GRM8: variants seen among roughly 807,000 people sequenced by gnomAD.
GRM8 encodes metabotropic glutamate receptor 8.
In GRM8, 47 loss-of-function variants were observed where a neutral mutation model predicts 87.2. The ratio of observed to expected loss-of-function variants is 0.54; its 90% CI spans 0.43 to 0.69. The LOEUF (loss-of-function observed/expected upper bound fraction) is 0.69. Among genes scored for constraint, GRM8 ranks in the 30% least tolerant of loss-of-function variants. GRM8 has a pLI of 0.00. For missense variants in GRM8, 1,019 were observed against 1,139.2 expected (o/e 0.89, Z 1.52); for synonymous variants, 396 against 404.5 (o/e 0.98, Z 0.25).
chr7:126,873,172 T>C (rs1259724300), intron 6 of GRM8, among the ~76,000 whole-genome samples: 1 of 152,124 alleles, frequency 6.6e-6, no homozygotes. Flanking sequence ...ACTTTTCAAC[T>C]TAACTTGTGT....
intron 9 of GRM8, among the ~76,000 whole-genome samples, chr7:126,532,713 A>G (rs1455645017): frequency 6.7e-6 from 1 of 148,212 alleles, no homozygotes; most frequent in Admixed American, 6.9e-5. Flanking sequence ...TTTCATGGAA[A>G]ATCAGGCTTT....
At chr7:127,238,523 C>T (rs114864350) in intron 2 of GRM8, among the ~76,000 whole-genome samples, 2,819 of 152,198 alleles carry the variant, frequency 0.019, 99 homozygotes, top group African/African-American at 0.065. Flanking sequence ...AAAAGCCTCC[C>T]AGGTAGTTTT....
At chr7:126,836,585 T>A (rs1461783810) in intron 6 of GRM8, among the ~76,000 whole-genome samples, 1 of 152,154 alleles carries the variant, frequency 6.6e-6, no homozygotes, top group Admixed American at 6.6e-5. Context: ...TTCATCCTAC[T>A]TATCTAGCAC....
At chr7:126,516,184 C>T (rs938441377) in intron 9 of GRM8, among the ~76,000 whole-genome samples, 4 of 152,020 alleles carry the variant, frequency 2.6e-5, no homozygotes, top group African/African-American at 9.7e-5. Flanking sequence ...AAATACAGGA[C>T]ATCCAGTTAC....
chr7:126,446,518 T>G (rs1463509183), intron 9 of GRM8, 146 bp from the exon 10 acceptor site: 3 of 602,956 alleles, frequency 5.0e-6, no homozygotes, highest in Non-Finnish European at 8.7e-6. Context: ...TTAATTATAG[T>G]CAACCATTCC....
intron 6 of GRM8, among the ~76,000 whole-genome samples, chr7:126,846,276 C>T (rs1045610333): frequency 4.3e-4 from 65 of 152,270 alleles, no homozygotes; most frequent in African/African-American, 1.5e-3. Flanking sequence ...AAAAATGTGA[C>T]TACATAAGAT....
chr7:126,984,360 G>A (rs1811838274), intron 3 of GRM8, among the ~76,000 whole-genome samples: 1 of 152,170 alleles, frequency 6.6e-6, no homozygotes, highest in Non-Finnish European at 1.5e-5. Context: ...TGTTGCCAAA[G>A]GAGATTAACA....
At chr7:126,489,048 C>G (rs1278830793) in intron 9 of GRM8, among the ~76,000 whole-genome samples, 4 of 151,544 alleles carry the variant, frequency 2.6e-5, no homozygotes, top group African/African-American at 9.7e-5. Context: ...GACAATGCAG[C>G]CATATATAGT....
chr7:126,622,903 TTA>T (rs1449895497), intron 7 of GRM8, among the ~76,000 whole-genome samples: 1 of 152,172 alleles, frequency 6.6e-6, no homozygotes, highest in African/African-American at 2.4e-5. Flanking sequence ...AGTCTCAAAT[TTA>T]TATGTCTAGC....
intron 3 of GRM8, among the ~76,000 whole-genome samples, chr7:127,028,417 C>A (rs190977308): frequency 1.2e-4 from 19 of 152,260 alleles, no homozygotes; most frequent in Non-Finnish European, 2.1e-4. Flanking sequence ...GGTACCAGCT[C>A]TTCTTTGTAC....
intron 6 of GRM8, among the ~76,000 whole-genome samples, chr7:126,893,392 G>C (rs1445801682): frequency 6.6e-6 from 1 of 151,964 alleles, no homozygotes; most frequent in Non-Finnish European, 1.5e-5. Context: ...TATCAGAATA[G>C]TACATTTTCT....
rs542718643 is a variant in GRM8 at position 127,170,856 on chromosome 7, G to A, written c.511-64144C>T. 3.9e-5 allele frequency among the ~76,000 whole-genome samples: 6 copies of A among 152,238 alleles called. No homozygotes were observed. The East Asian group carries it at 1.2e-3, about 29-fold the overall frequency. ...GGACTCAGGGGAAAGGGTGGGAGAA[G>A]GGTGAGGGATAAAAACCACCCACTG... On this transcript the variant is annotated intron_variant, in intron 2 of 10. Transcript: ENST00000339582.
At chr7:126,967,850 T>C (rs1586623200) in intron 3 of GRM8, among the ~76,000 whole-genome samples, 1 of 152,302 alleles carries the variant, frequency 6.6e-6, no homozygotes, top group East Asian at 1.9e-4. Flanking sequence ...GTACTATTAA[T>C]ATACAACTGG....
chr7:126,714,300 A>G (rs1009891837), intron 7 of GRM8, among the ~76,000 whole-genome samples: 1 of 147,412 alleles, frequency 6.8e-6, no homozygotes, highest in African/African-American at 2.5e-5. Flanking sequence ...TAATAATAAT[A>G]ATAATAATAA....
intron 3 of GRM8, among the ~76,000 whole-genome samples, chr7:127,103,423 G>T (rs907730640): frequency 6.6e-6 from 1 of 152,050 alleles, no homozygotes; most frequent in Non-Finnish European, 1.5e-5. Context: ...TCCTCCCCTT[G>T]CTCCTGCTTC....
chr7:126,995,604 G>T (rs1291351879), intron 3 of GRM8, among the ~76,000 whole-genome samples: 1 of 152,088 alleles, frequency 6.6e-6, no homozygotes, highest in Non-Finnish European at 1.5e-5. Context: ...TAACATAACT[G>T]CTCAACAAAA....
intron 6 of GRM8, among the ~76,000 whole-genome samples, chr7:126,863,609 T>A (rs1798329369): frequency 6.6e-6 from 1 of 152,158 alleles, no homozygotes; most frequent in Admixed American, 6.5e-5. Flanking sequence ...CTGAATTTAG[T>A]GTGCTCGAGA....
At chr7:127,108,334 G>A (rs1437179964) in intron 2 of GRM8, among the ~76,000 whole-genome samples, 1 of 151,992 alleles carries the variant, frequency 6.6e-6, no homozygotes, top group Non-Finnish European at 1.5e-5. Context: ...CCTCTTACTA[G>A]GTAAAAATTT....
At chr7:126,699,948 A>C (rs2151391620) in intron 7 of GRM8, among the ~76,000 whole-genome samples, 1 of 152,318 alleles carries the variant, frequency 6.6e-6, no homozygotes, top group Admixed American at 6.5e-5. Context: ...ATTTTTTTCC[A>C]GTCACTATAA....
Sources: allele counts gnomAD v4.1 joint callset (sites outside exome capture counted in the v4.1 genomes callset), GRCh38; gene constraint gnomAD v4.1.1; transcripts MANE v1.5; gene names NCBI Gene and HGNC (gene_info 2026-07-23, HGNC 2026-07-21).